The following CDH4 variants were observed in gnomAD, a reference collection of about 807,000 sequenced individuals.
CDH4 encodes the protein cadherin 4.
Under a neutral mutation model 86.0 loss-of-function variants are expected in CDH4, and 33 were observed. The observed-to-expected ratio is 0.38, with a 90% CI of 0.29 to 0.51. The LOEUF is 0.51. Ranked by LOEUF, CDH4 falls within the 20% of genes least tolerant of loss-of-function variation. CDH4 has a pLI of 0.86. For synonymous variants in CDH4, 555 were observed against 549.4 expected, an observed-to-expected ratio of 1.01 and a Z score of -0.14; for missense variants, 1,114 against 1,307.4, an observed-to-expected ratio of 0.85 and a Z score of 2.28.
At chr20:61,769,076 G>A in intron 3 of CDH4, among the ~76,000 whole-genome samples, 1 of 152,192 alleles carries the variant, frequency 6.6e-6, no homozygotes, top group East Asian at 1.9e-4. Flanking sequence ...GCCCCTGCTA[G>A]TGGCTGTGCC....
At chr20:61,281,765 G>T (rs1382906352) in intron 2 of CDH4, among the ~76,000 whole-genome samples, 1 of 152,218 alleles carries the variant, frequency 6.6e-6, no homozygotes. Flanking sequence ...CCCTGGAGGG[G>T]ACGCACCCCA....
chr20:61,530,612 C>T (rs1012204767), intron 2 of CDH4, among the ~76,000 whole-genome samples: 3 of 152,216 alleles, frequency 2.0e-5, no homozygotes, highest in East Asian at 3.9e-4. Flanking sequence ...GAAGGAGAGT[C>T]GCAGAGGCCC....
At chr20:61,705,254 G>A (rs903921458) in intron 2 of CDH4, among the ~76,000 whole-genome samples, 5 of 152,294 alleles carry the variant, frequency 3.3e-5, no homozygotes, top group East Asian at 1.9e-4. Context: ...GCTGTTTTAC[G>A]AATCCCATGA....
At chr20:61,428,621 G>A (rs1239198947) in intron 2 of CDH4, among the ~76,000 whole-genome samples, 1 of 152,190 alleles carries the variant, frequency 6.6e-6, no homozygotes. Flanking sequence ...CGGACCACAG[G>A]TGTGCTGATG....
chr20:61,463,957 G>A (rs185393652), intron 2 of CDH4, among the ~76,000 whole-genome samples: 3 of 152,278 alleles, frequency 2.0e-5, no homozygotes, highest in Admixed American at 2.0e-4. Context: ...TTGGCCCCAG[G>A]GAAATGACAA....
chr20:61,468,936 C>T (rs773249976), intron 2 of CDH4, among the ~76,000 whole-genome samples: 4 of 152,174 alleles, frequency 2.6e-5, no homozygotes, highest in Non-Finnish European at 4.4e-5. Context: ...ATAGGTACCA[C>T]ATTTTCTTTG....
rs189875299 is a variant in CDH4, at chr20:61,921,701, G to A, written c.1375-1750G>A. Among the ~76,000 whole-genome samples, 426 of 148,560 alleles carry A rather than the reference G, an allele frequency of 2.9e-3. 10 individuals are homozygous for A. The highest frequency in any genetic ancestry group is 0.025 in the Admixed American group (376 of 14,822). ...CAGGAGGCAGAGGTTGCAGTGAGCC[G>A]AGATCATGCCACTGCACTCCAGCCT... On this transcript the variant is annotated intron_variant, in intron 9 of 15. Transcript: ENST00000614565.
At chr20:61,675,910 G>A (rs1199254001) in intron 2 of CDH4, among the ~76,000 whole-genome samples, 4 of 152,222 alleles carry the variant, frequency 2.6e-5, no homozygotes, top group Non-Finnish European at 5.9e-5. Context: ...TTTCCAAAAG[G>A]CCCACCTGCA....
rs745517601 is a variant in CDH4, at chr20:61,938,158, G to GCCTCT, written c.*1224_*1228dup. 8 of 152,288 alleles carry GCCTCT rather than the reference G, an allele frequency of 5.3e-5. No individual in the cohort carries two copies. The highest frequency in any genetic ancestry group is 2.9e-5 in the Non-Finnish European group (2 of 68,070). 9.4% of individuals were successfully genotyped at this position (152,288 alleles called of 1,614,324 possible). On this transcript the variant is annotated 3_prime_UTR_variant, in exon 16 of 16. Coordinates refer to ENST00000614565, the MANE Select transcript of CDH4 (RefSeq NM_001794.5). ...GATGCCTCTGCACGCTGCAGACGGT[G>GCCTCT]CCTCTCCTCTCCTATGGACCCTCGT...
chr20:61,671,813 G>T (rs578191594), intron 2 of CDH4, among the ~76,000 whole-genome samples: 1 of 151,200 alleles, frequency 6.6e-6, no homozygotes, highest in East Asian at 2.0e-4. Flanking sequence ...TGGATGGGTA[G>T]GTGGCTGGGT....
rs556042006 is a variant in CDH4, at chr20:61,652,305, A to G, written c.170-91258A>G. Among the ~76,000 whole-genome samples, 3 of 152,064 alleles carry G rather than the reference A, an allele frequency of 2.0e-5. No individual in the cohort carries two copies. The East Asian group carries it at 5.8e-4, about 29-fold the overall frequency. ...TACTCCTTTGTATACGCAGCTATGT[A>G]TGTGGTTTCGCTTATTGCAGTGGGA... On this transcript the variant is annotated intron_variant, in intron 2 of 15. Transcript: ENST00000614565.
At chr20:61,761,859 G>A (rs958959422) in intron 3 of CDH4, among the ~76,000 whole-genome samples, 1 of 152,192 alleles carries the variant, frequency 6.6e-6, no homozygotes, top group Non-Finnish European at 1.5e-5. Context: ...CCTCTCACAG[G>A]AAGCTCCAGT....
chr20:61,341,564 G>A (rs561767125), intron 2 of CDH4, among the ~76,000 whole-genome samples: 2 of 149,858 alleles, frequency 1.3e-5, no homozygotes, highest in African/African-American at 4.9e-5. Flanking sequence ...TGAGAAAGGA[G>A]TTTGAGATCA....
At chr20:61,824,603 T>C (rs1981223966) in intron 4 of CDH4, among the ~76,000 whole-genome samples, 1 of 152,200 alleles carries the variant, frequency 6.6e-6, no homozygotes, top group Admixed American at 6.5e-5. Flanking sequence ...CATTAACTTA[T>C]TTGGAATTAA....
At chr20:61,825,480 A>T (rs189551513) in intron 4 of CDH4, among the ~76,000 whole-genome samples, 1 of 151,948 alleles carries the variant, frequency 6.6e-6, no homozygotes, top group Non-Finnish European at 1.5e-5. Context: ...CACCAAGCTC[A>T]CTCCTAAGAA....
At chr20:61,541,864 T>C (rs1233739177) in intron 2 of CDH4, among the ~76,000 whole-genome samples, 1 of 152,122 alleles carries the variant, frequency 6.6e-6, no homozygotes, top group Non-Finnish European at 1.5e-5. Context: ...CCTTGCTACT[T>C]TCTGGCCATA....
chr20:61,319,847 C>G (rs1224788262), intron 2 of CDH4, among the ~76,000 whole-genome samples: 3 of 151,018 alleles, frequency 2.0e-5, no homozygotes, highest in Admixed American at 1.3e-4. Context: ...CTTAGCTACT[C>G]AGGAGGTTGA....
chr20:61,415,682 C>G (rs2085143001), intron 2 of CDH4, among the ~76,000 whole-genome samples: 2 of 152,158 alleles, frequency 1.3e-5, no homozygotes, highest in South Asian at 4.2e-4. Context: ...TAAAGTTCAC[C>G]CATGTTATAG....
intron 3 of CDH4, among the ~76,000 whole-genome samples, chr20:61,763,933 A>G (rs1473862928): frequency 1.3e-5 from 2 of 152,206 alleles, no homozygotes; most frequent in Non-Finnish European, 2.9e-5. Flanking sequence ...TTTTTCAAAA[A>G]AACAGAAAAA....
Sources: gnomAD v4.1 joint callset for allele counts (sites outside exome capture counted in the v4.1 genomes callset) on GRCh38, gnomAD v4.1.1 for gene constraint, MANE v1.5 for transcripts, NCBI Gene and HGNC (gene_info 2026-07-23, HGNC 2026-07-21) for gene names.